The following SCARB1 variants were observed in gnomAD, a reference collection of about 807,000 sequenced individuals.
SCARB1 encodes the protein CD36 and LIMPII analogous 1.
Under a neutral mutation model 57.2 loss-of-function variants are expected in SCARB1, and 30 were observed. That is an observed-to-expected ratio of 0.52 (90% CI 0.39 to 0.71). SCARB1 has a LOEUF of 0.71. SCARB1 is among the 30% of genes least tolerant of loss of function. The probability of loss-of-function intolerance (pLI) is 0.00; values close to 1 mark genes in which losing one functional copy is unlikely to be tolerated. For synonymous variants in SCARB1, 249 were observed against 268.3 expected, an observed-to-expected ratio of 0.93 and a Z score of 0.70; for missense variants, 543 against 671.2, an observed-to-expected ratio of 0.81 and a Z score of 2.11.
chr12:124,833,186 T>A (rs914401359), intron 1 of SCARB1, among the ~76,000 whole-genome samples: 8 of 127,600 alleles, frequency 6.3e-5, no homozygotes, highest in East Asian at 5.1e-4. Flanking sequence ...CATCTCAAGA[T>A]CCTTAACTTT....
rs192905220 is a variant in SCARB1 at position 124,795,266 on chromosome 12, G to T, written c.1131C>A (p.Val377=). Residue 377 remains valine (V), a splice_region_variant and synonymous_variant, in exon 9 of 13, where the codon GTC becomes GTA. Coordinates refer to ENST00000261693, the MANE Select transcript of SCARB1 (RefSeq NM_005505.5). ...AHSLFLDIHP[V]TGIPMNCSVK... Reference sequence around the variant, plus strand: ...CAGAGCAGTTCATGGGGATTCCCGTGACCTGCGGCAACAAACACAGTGAGG... The same window carrying T: ...CAGAGCAGTTCATGGGGATTCCCGTTACCTGCGGCAACAAACACAGTGAGG... 3.1e-6 allele frequency: 5 copies of T among 1,613,694 alleles called. No homozygotes were observed. The East Asian group carries it at 6.7e-5, about 22-fold the overall frequency.
intron 9 of SCARB1, among the ~76,000 whole-genome samples, chr12:124,787,924 C>T (rs1242082493): frequency 2.0e-5 from 3 of 152,178 alleles, no homozygotes; most frequent in South Asian, 2.1e-4. Flanking sequence ...ACCATGTTCA[C>T]ATAACTTTTA....
Position 124,811,850 on chromosome 12 carries a change from C to T in SCARB1, c.726+20G>A. 15 of 1,580,592 alleles carry T rather than the reference C, an allele frequency of 9.5e-6. No individual in the cohort carries two copies. Among genetic ancestry groups the T allele is most frequent in the Non-Finnish European group, 1.3e-5 (15 of 1,155,302 alleles). Reference sequence around the variant, plus strand: ...CTCCCCTCTCCCTGGCGACAGGGGCCCTCGCCTCTCGCCCCTCACCTTGCT... The same window carrying T: ...CTCCCCTCTCCCTGGCGACAGGGGCTCTCGCCTCTCGCCCCTCACCTTGCT... On this transcript the variant is annotated intron_variant, in intron 5 of 12. Transcript: ENST00000261693.
Position 124,838,920 on chromosome 12 carries a change from G to A in SCARB1, c.127-21213C>T, listed in dbSNP as rs373316325. 1.0e-3 allele frequency among the ~76,000 whole-genome samples: 159 copies of A among 151,856 alleles called. 1 individual carries two copies. The South Asian group carries it at 0.032, about 30-fold the overall frequency. On this transcript the variant is annotated intron_variant, in intron 1 of 12. Transcript: ENST00000261693. Reference sequence around the variant, plus strand: ...CTCCTAAGTAGCTGGGATTACAGGCGCCTGCCACCATGCCAGGCTAATTTT... The same window carrying A: ...CTCCTAAGTAGCTGGGATTACAGGCACCTGCCACCATGCCAGGCTAATTTT...
In SCARB1 at chr12:124,800,613, G is replaced by GATGGAAA. The variant is rs1697095665; in HGVS notation, c.1010-378_1010-372dup. Among the ~76,000 whole-genome samples, 1 of 152,186 alleles carries GATGGAAA rather than the reference G, an allele frequency of 6.6e-6. No individual in the cohort carries two copies. The highest frequency in any genetic ancestry group is 2.4e-5 in the African/African-American group (1 of 41,430). On this transcript the variant is annotated intron_variant, in intron 7 of 12. Coordinates refer to ENST00000261693, the MANE Select transcript of SCARB1 (RefSeq NM_005505.5). This position sits in a 1 kb window ranked among gnomAD's most constrained non-coding sequence, Gnocchi z 4.8. ...TGCACAAGGGTGCTAGGGAGGCACG[G>GATGGAAA]ATGGAAAAGGCAACGCCAGATTTGA...
chr12:124,857,217 G>A (rs908079919), intron 1 of SCARB1, among the ~76,000 whole-genome samples: 9 of 152,162 alleles, frequency 5.9e-5, no homozygotes, highest in Non-Finnish European at 1.3e-4. Flanking sequence ...CATGGGGCAA[G>A]TTACTTTCCG....
intron 1 of SCARB1, among the ~76,000 whole-genome samples, chr12:124,837,269 C>T (rs1566230480): frequency 6.6e-6 from 1 of 152,068 alleles, no homozygotes; most frequent in Admixed American, 6.6e-5. Context: ...CTCAATAAAG[C>T]TGGCTGTTTT....
intron 2 of SCARB1, 49 bp from the exon 3 acceptor site, chr12:124,815,163 G>A (rs767134707): frequency 1.3e-5 from 21 of 1,603,438 alleles, no homozygotes; most frequent in Admixed American, 5.0e-5. Flanking sequence ...TGCATGGGAC[G>A]TTTCCCTTCT....
chr12:124,802,559 G>A (rs1950172085), intron 7 of SCARB1, among the ~76,000 whole-genome samples: 1 of 151,644 alleles, frequency 6.6e-6, no homozygotes, highest in African/African-American at 2.4e-5. Context: ...GCCCCAGGTG[G>A]AGACCGAGGT....
At position 124,863,795 on chromosome 12, in the gene SCARB1, G is replaced by T. The variant is rs1377460082; in HGVS notation, c.-75C>A. ...AGGAGACGGGGACGGCGACAGAGACGACACAGGCGGGGACTCCGGGCACGC... is the reference window on the plus strand; with the variant it reads ...AGGAGACGGGGACGGCGACAGAGACTACACAGGCGGGGACTCCGGGCACGC... On this transcript the variant is annotated 5_prime_UTR_variant, in exon 1 of 13. Coordinates refer to ENST00000261693, the MANE Select transcript of SCARB1 (RefSeq NM_005505.5). 1.0e-5 allele frequency: 14 copies of T among 1,379,356 alleles called. No individual in the cohort carries two copies. The highest frequency in any genetic ancestry group is 1.3e-5 in the Non-Finnish European group (14 of 1,071,242). 85.4% of individuals were successfully genotyped at this position (1,379,356 alleles called of 1,614,324 possible).
chr12:124,849,253 T>C (rs1351669661), intron 1 of SCARB1, among the ~76,000 whole-genome samples: 1 of 152,062 alleles, frequency 6.6e-6, no homozygotes, highest in East Asian at 1.9e-4. Context: ...CACTGCAGGG[T>C]AAACCCAGTG....
At chr12:124,806,610 T>C (rs150720348) in intron 7 of SCARB1, among the ~76,000 whole-genome samples, 1 of 152,254 alleles carries the variant, frequency 6.6e-6, no homozygotes, top group African/African-American at 2.4e-5. Context: ...GGTCCAGAAA[T>C]TGGGCCGGGC....
At chr12:124,782,628 A>T (rs2135525374) in intron 12 of SCARB1, 55 bp downstream of exon 12, 1 of 1,586,844 alleles carries the variant, frequency 6.3e-7, no homozygotes, top group East Asian at 2.2e-5. Flanking sequence ...AGCCGCCAGC[A>T]TTCTACTTGA....
At chr12:124,850,898 G>A (rs370626314) in intron 1 of SCARB1, among the ~76,000 whole-genome samples, 17 of 152,102 alleles carry the variant, frequency 1.1e-4, no homozygotes, top group African/African-American at 3.1e-4. Flanking sequence ...CTCTTCCCCC[G>A]ACAACAGCCC....
At chr12:124,801,355 G>C (rs925868332) in intron 7 of SCARB1, among the ~76,000 whole-genome samples, 5 of 152,186 alleles carry the variant, frequency 3.3e-5, no homozygotes, top group African/African-American at 9.7e-5. Context: ...AAATGTTCTG[G>C]AACGAGATAC....
At chr12:124,816,952 C>T (rs1950740266) in intron 2 of SCARB1, among the ~76,000 whole-genome samples, 3 of 151,838 alleles carry the variant, frequency 2.0e-5, no homozygotes, top group Admixed American at 6.6e-5. Context: ...GACCCCTTCC[C>T]GTGCTGACCC....
chr12:124,802,635 G>A (rs946126619), intron 7 of SCARB1, among the ~76,000 whole-genome samples: 2 of 152,160 alleles, frequency 1.3e-5, no homozygotes, highest in African/African-American at 2.4e-5. Context: ...ACCCACGCAC[G>A]TGTTTCTTCC....
chr12:124,825,777 A>T (rs890342393), intron 1 of SCARB1, among the ~76,000 whole-genome samples: 1 of 152,234 alleles, frequency 6.6e-6, no homozygotes, highest in African/African-American at 2.4e-5. Flanking sequence ...GATATCTCAA[A>T]GGCAGAATCT....
chr12:124,828,943 C>T (rs1282508552), intron 1 of SCARB1, among the ~76,000 whole-genome samples: 1 of 152,216 alleles, frequency 6.6e-6, no homozygotes. Flanking sequence ...CAGTCAGTGG[C>T]TGACTACACT....
Sources: gnomAD v4.1 joint callset for allele counts (sites outside exome capture counted in the v4.1 genomes callset) on GRCh38, gnomAD v4.1.1 for gene constraint, Gnocchi (gnomAD v3.1) non-coding constraint, MANE v1.5 for transcripts, NCBI Gene and HGNC (gene_info 2026-07-23, HGNC 2026-07-21) for gene names.